LRFN2: variants seen among roughly 807,000 people sequenced by gnomAD.
The protein encoded by LRFN2 is leucine rich repeat and fibronectin type III domain containing 2, also known as leucine-rich repeat and fibronectin type-III domain-containing protein 2.
In LRFN2, 18 loss-of-function variants were observed where a neutral mutation model predicts 37.3. The observed-to-expected ratio is 0.48, with a 90% CI of 0.33 to 0.72. The LOEUF (loss-of-function observed/expected upper bound fraction) is 0.72. Ranked by LOEUF, LRFN2 falls within the 30% of genes least tolerant of loss-of-function variation. The probability of loss-of-function intolerance (pLI) is 0.02; values close to 1 mark genes in which losing one functional copy is unlikely to be tolerated. For synonymous variants in LRFN2, 556 were observed against 466.6 expected, an observed-to-expected ratio of 1.19 and a Z score of -2.47; for missense variants, 1,006 against 1,060.7, an observed-to-expected ratio of 0.95 and a Z score of 0.72.
At chr6:40,486,664 A>G (rs532822010) in intron 1 of LRFN2, among the ~76,000 whole-genome samples, 3 of 152,278 alleles carry the variant, frequency 2.0e-5, no homozygotes, top group African/African-American at 4.8e-5. Flanking sequence ...CATCTGGAAA[A>G]GGGATTTACG....
chr6:40,491,634 G>C (rs1429828729), intron 1 of LRFN2, among the ~76,000 whole-genome samples: 1 of 140,056 alleles, frequency 7.1e-6, no homozygotes, highest in Admixed American at 7.2e-5. Context: ...CTCTGAGTGT[G>C]TTTCCCTCTC....
chr6:40,503,287 G>A (rs1449870612), intron 1 of LRFN2, among the ~76,000 whole-genome samples: 6 of 152,144 alleles, frequency 3.9e-5, no homozygotes, highest in Non-Finnish European at 8.8e-5. Flanking sequence ...CAGAACAGTC[G>A]GGAGGCTGTA....
At chr6:40,413,782 T>C (rs889288978) in intron 2 of LRFN2, among the ~76,000 whole-genome samples, 14 of 152,100 alleles carry the variant, frequency 9.2e-5, no homozygotes, top group Middle Eastern at 3.4e-3. Context: ...CTCCTACTTG[T>C]CTAGCTGAGA....
chr6:40,507,746 T>A (rs1765583387), intron 1 of LRFN2, among the ~76,000 whole-genome samples: 1 of 152,204 alleles, frequency 6.6e-6, no homozygotes, highest in African/African-American at 2.4e-5. Context: ...GATTTGCTGT[T>A]TTGATCATGC....
chr6:40,555,335 G>A lies in LRFN2; in HGVS notation c.-19+31606C>T, dbSNP rs1425752332. On this transcript the variant is annotated intron_variant, in intron 1 of 2. Transcript: ENST00000338305. Reference sequence around the variant, plus strand: ...AGGGTTGCGGTGGGGAGGCTGGGCCGGAGATGAGCTCACCCACAGTAAGGA... The same window carrying A: ...AGGGTTGCGGTGGGGAGGCTGGGCCAGAGATGAGCTCACCCACAGTAAGGA... 3.9e-5 allele frequency among the ~76,000 whole-genome samples: 6 copies of A among 152,260 alleles called. No individual in the cohort carries two copies. In the East Asian group the frequency reaches 7.8e-4, roughly 20 times the overall value.
chr6:40,453,343 T>C (rs547350190), intron 1 of LRFN2, among the ~76,000 whole-genome samples: 5 of 152,130 alleles, frequency 3.3e-5, no homozygotes, highest in African/African-American at 1.2e-4. Flanking sequence ...TGGCACAATG[T>C]GGGGGATAGA....
intron 1 of LRFN2, among the ~76,000 whole-genome samples, chr6:40,572,958 C>T (rs1298846099): frequency 6.6e-6 from 1 of 152,198 alleles, no homozygotes; most frequent in East Asian, 1.9e-4. Context: ...GAGCCCATGT[C>T]CTGCCAAACC....
chr6:40,424,396 C>T (rs1343541727), intron 2 of LRFN2, among the ~76,000 whole-genome samples: 2 of 152,168 alleles, frequency 1.3e-5, no homozygotes, highest in Admixed American at 6.5e-5. Flanking sequence ...GCGAGATGTG[C>T]CCCACAGCAG....
intron 1 of LRFN2, among the ~76,000 whole-genome samples, chr6:40,435,867 T>G (rs1763660580): frequency 6.6e-6 from 1 of 152,180 alleles, no homozygotes; most frequent in South Asian, 2.1e-4. Flanking sequence ...TACACTTTAT[T>G]ATGTATATTT....
chr6:40,439,639 A>G (rs977839259), intron 1 of LRFN2, among the ~76,000 whole-genome samples: 1 of 152,172 alleles, frequency 6.6e-6, no homozygotes, highest in African/African-American at 2.4e-5. Context: ...CAGGGTGCCC[A>G]TACACTCTCA....
At chr6:40,444,278 G>A (rs1301867931) in intron 1 of LRFN2, among the ~76,000 whole-genome samples, 1 of 152,152 alleles carries the variant, frequency 6.6e-6, no homozygotes, top group African/African-American at 2.4e-5. Context: ...AAAGAAGGGG[G>A]AAAAGGAGAA....
At chr6:40,489,634 C>T (rs1243038511) in intron 1 of LRFN2, among the ~76,000 whole-genome samples, 3 of 152,182 alleles carry the variant, frequency 2.0e-5, no homozygotes, top group Middle Eastern at 3.4e-3. Context: ...TGGGTGCTGA[C>T]GAGGAGGCCT....
Position 40,574,710 on chromosome 6 carries a change from G to A in LRFN2, c.-19+12231C>T, listed in dbSNP as rs147823408. Among the ~76,000 whole-genome samples the A allele has an allele frequency of 1.2e-3, 188 of 152,276 alleles. 1 individual carries two copies. The highest frequency in any genetic ancestry group is 4.0e-3 in the African/African-American group (168 of 41,544). ...TCCAGAATAAAATCCAGGCAGCTCC[G>A]GAGAGAGAGCAGGGCCCCATTAGCA... is the stretch of plus-strand genomic sequence containing the variant. On this transcript the variant is annotated intron_variant, in intron 1 of 2. Transcript: ENST00000338305.
Position 40,558,977 on chromosome 6 carries a change from G to A in LRFN2, c.-19+27964C>T, listed in dbSNP as rs538841887. ...TGTGAGCACTAAGCTGAAGGACAGA[G>A]GAAGGCTAGCTGGGAAGGCAACCCC... On this transcript the variant is annotated intron_variant, in intron 1 of 2. Coordinates refer to ENST00000338305, the MANE Select transcript of LRFN2 (RefSeq NM_020737.3). Among the ~76,000 whole-genome samples the A allele has an allele frequency of 9.8e-5, 15 of 152,292 alleles. No homozygotes were observed. The South Asian group carries it at 2.5e-3, about 25-fold the overall frequency.
intron 1 of LRFN2, among the ~76,000 whole-genome samples, chr6:40,581,737 T>A (rs115165178): frequency 0.027 from 4,131 of 152,314 alleles, 91 homozygotes; most frequent in Admixed American, 0.041. Flanking sequence ...TGCCTTTGCC[T>A]TCACTGCCAT....
intron 1 of LRFN2, among the ~76,000 whole-genome samples, chr6:40,460,879 G>T (rs1012888486): frequency 1.3e-5 from 2 of 152,196 alleles, no homozygotes; most frequent in African/African-American, 4.8e-5. Context: ...GGAGAGATAA[G>T]CGCAGAGAAT....
At chr6:40,440,307 C>T (rs903695452) in intron 1 of LRFN2, among the ~76,000 whole-genome samples, 7 of 152,132 alleles carry the variant, frequency 4.6e-5, no homozygotes, top group Non-Finnish European at 7.3e-5. Context: ...TTAGCACGTC[C>T]GTGATAGCTT....
At position 40,392,507 on chromosome 6, in the gene LRFN2, C is replaced by T; in HGVS notation, c.1806G>A (p.Val602=). ...AGTCCAGGAGCTCGTTGCGCACCAC[C>T]ACCTTCGGCGGGCCCTGCGGCGGGG... ...AGAPPQGPPK[V]VVRNELLDFT... Residue 602 remains valine (V), a synonymous_variant, in exon 3 of 3, where the codon GTG becomes GTA. Coordinates refer to ENST00000338305, the MANE Select transcript of LRFN2 (RefSeq NM_020737.3). The surrounding 1 kb of genome is among the most constrained non-coding windows in gnomAD (Gnocchi z 4.7). The T allele has an allele frequency of 6.3e-7, 1 of 1,586,714 alleles. No homozygotes were observed. Among genetic ancestry groups the T allele is most frequent in the Non-Finnish European group, 8.6e-7 (1 of 1,168,232 alleles).
chr6:40,469,860 C>T lies in LRFN2; in HGVS notation c.-18-36729G>A, dbSNP rs60485695. Among the ~76,000 whole-genome samples, 7 of 152,312 alleles carry T rather than the reference C, an allele frequency of 4.6e-5. No homozygotes were observed. The East Asian group carries it at 1.4e-3, about 29-fold the overall frequency. On this transcript the variant is annotated intron_variant, in intron 1 of 2. Transcript: ENST00000338305. The stretch of plus-strand genomic sequence containing the variant: ...TGTCCCCCCAAGAGCTGCACCAGGA[C>T]ATCCCTCTACCCTGCACACACCCTG...
Sources: gnomAD v4.1 joint callset for allele counts (sites outside exome capture counted in the v4.1 genomes callset) on GRCh38, gnomAD v4.1.1 for gene constraint, Gnocchi (gnomAD v3.1) non-coding constraint, MANE v1.5 for transcripts, NCBI Gene and HGNC (gene_info 2026-07-23, HGNC 2026-07-21) for gene names.